Variants in DDX60 observed in about 807,000 individuals in gnomAD.
The protein encoded by DDX60 is DExD/H-box helicase 60, also known as probable ATP-dependent RNA helicase DDX60.
In DDX60, 165 loss-of-function variants were observed where a neutral mutation model predicts 212.8. The ratio of observed to expected loss-of-function variants is 0.78; its 90% CI spans 0.68 to 0.88. The LOEUF is 0.88. DDX60 is among the 40% of genes least tolerant of loss of function. The pLI is 0.00. For missense variants in DDX60, 1,905 were observed against 2,003.9 expected (o/e 0.95, Z 0.94); for synonymous variants, 703 against 685.3 (o/e 1.03, Z -0.40).
chr4:168,305,946 T>C (rs538462472), intron 5 of DDX60, among the ~76,000 whole-genome samples: 1 of 152,330 alleles, frequency 6.6e-6, no homozygotes, highest in East Asian at 1.9e-4. Context: ...CCTAATTCCA[T>C]GCATTTCTGG....
rs150843208 is a variant in DDX60 at position 168,313,877 on chromosome 4, T to A, written c.-106-2512A>T. Among the ~76,000 whole-genome samples, 67 of 152,354 alleles carry A rather than the reference T, an allele frequency of 4.4e-4. No homozygotes were observed. The East Asian group carries it at 0.012, about 28-fold the overall frequency. On this transcript the variant is annotated intron_variant, in intron 1 of 37. Coordinates refer to ENST00000393743, the MANE Select transcript of DDX60 (RefSeq NM_017631.6). The stretch of plus-strand genomic sequence containing the variant: ...ACATAGATTAAAAGGAATAATATAG[T>A]TTTTATAATGAAATATAACTATGAC...
At chr4:168,221,437 A>G (rs1173465497) in intron 36 of DDX60, among the ~76,000 whole-genome samples, 1 of 152,208 alleles carries the variant, frequency 6.6e-6, no homozygotes, top group Non-Finnish European at 1.5e-5. Context: ...AGAGTAATAA[A>G]TACAAATATA....
At chr4:168,297,304 A>G (rs77894656) in intron 6 of DDX60, among the ~76,000 whole-genome samples, 2 of 12,834 alleles carry the variant, frequency 1.6e-4, no homozygotes, top group Non-Finnish European at 1.3e-4. Flanking sequence ...AGACGAAAGA[A>G]AGAAAGAAAG....
intron 35 of DDX60, among the ~76,000 whole-genome samples, chr4:168,223,605 T>C (rs67982202): frequency 0.12 from 18,592 of 152,038 alleles, 1,627 homozygotes; most frequent in African/African-American, 0.23. Context: ...AAAACTGTAT[T>C]TTTAGAAAGT....
Position 168,237,708 on chromosome 4 carries a change from G to T in DDX60, c.4252C>A (p.Gln1418Lys), listed in dbSNP as rs774931360. The T allele has an allele frequency of 6.8e-6, 11 of 1,610,908 alleles. No individual in the cohort carries two copies. In the Middle Eastern group the frequency reaches 6.6e-4, roughly 97 times the overall value. Residue 1418 changes from glutamine to lysine, a missense_variant, in exon 31 of 38, where the codon CAG (glutamine) becomes AAG (lysine). Gln to Lys is a moderately conservative substitution (Grantham distance 53). Transcript: ENST00000393743. The stretch of plus-strand genomic sequence containing the variant: ...ATGCATACCTCTTTCACCAGGAACT[G>T]CAAAGAAAACAGGAAGTAAAGTTTT... Reference protein sequence around the residue: ...MLKLYFLFSLQFLVKEGYLDQ... With the variant: ...MLKLYFLFSLKFLVKEGYLDQ...
intron 8 of DDX60, among the ~76,000 whole-genome samples, chr4:168,291,177 G>A (rs10002944): frequency 0.36 from 55,215 of 151,554 alleles, 10,434 homozygotes; most frequent in African/African-American, 0.47. Context: ...TATTGTGAAA[G>A]GAAATAGAAA....
intron 30 of DDX60, among the ~76,000 whole-genome samples, chr4:168,241,287 A>G (rs1733827949): frequency 6.6e-6 from 1 of 151,534 alleles, no homozygotes; most frequent in Non-Finnish European, 1.5e-5. Flanking sequence ...GTACCAGTAG[A>G]GTGGGGTGCT....
At chr4:168,280,882 G>C (rs534309196) in intron 13 of DDX60, among the ~76,000 whole-genome samples, 1 of 152,322 alleles carries the variant, frequency 6.6e-6, no homozygotes, top group Non-Finnish European at 1.5e-5. Context: ...AATGACACCT[G>C]TAATCCCAGC....
chr4:168,276,111 G>C lies in DDX60; in HGVS notation c.2049C>G (p.Tyr683Ter), dbSNP rs200360963. Residue 683 changes from tyrosine to a stop codon, truncating the protein, a stop_gained, in exon 15 of 38, where the codon TAC (tyrosine) becomes TAG (stop). Coordinates refer to ENST00000393743, the MANE Select transcript of DDX60 (RefSeq NM_017631.6). LOFTEE classifies it high-confidence loss of function. ...MKRIHSLMEK[Y>*]SELLQEDDRQ... Reference sequence around the variant, plus strand: ...GATCATCTTCTTGTAAAAGTTCTGAGTATTTTTCCATCAAGGAGTGGATCC... The same window carrying C: ...GATCATCTTCTTGTAAAAGTTCTGACTATTTTTCCATCAAGGAGTGGATCC... 6.2e-7 allele frequency: 1 copy of C among 1,613,434 alleles called. No homozygotes were observed. The highest frequency in any genetic ancestry group is 8.5e-7 in the Non-Finnish European group (1 of 1,179,702).
intron 5 of DDX60, 142 bp downstream of exon 5, chr4:168,306,237 T>A: frequency 1.8e-6 from 1 of 554,688 alleles, no homozygotes. Flanking sequence ...GCATTATCAT[T>A]ATTTACTTAA....
chr4:168,276,237 T>C, intron 14 of DDX60, 56 bp from the exon 15 acceptor site: 1 of 1,422,308 alleles, frequency 7.0e-7, no homozygotes, highest in South Asian at 1.3e-5. Flanking sequence ...ATAATTCATT[T>C]GATTACCCAA....
chr4:168,287,080 C>A lies in DDX60; in HGVS notation c.1307G>T (p.Cys436Phe). Residue 436 changes from cysteine to phenylalanine, a missense_variant, in exon 10 of 38, where the codon TGT (cysteine) becomes TTT (phenylalanine). Transcript: ENST00000393743. ...QPFPLRTTKV[C>F]FLEKKPSPIK... The stretch of plus-strand genomic sequence containing the variant: ...TGGTGATGGTTTCTTTTCAAGAAAA[C>A]AAACTTTTGTTGTTCTCAGAGGAAA... The A allele has an allele frequency of 2.5e-6, 4 of 1,606,838 alleles. No individual in the cohort carries two copies. The highest frequency in any genetic ancestry group is 2.5e-6 in the Non-Finnish European group (3 of 1,178,226).
intron 28 of DDX60, among the ~76,000 whole-genome samples, chr4:168,249,989 AG>A (rs1221600976): frequency 6.6e-6 from 1 of 152,196 alleles, no homozygotes; most frequent in Non-Finnish European, 1.5e-5. Context: ...AATTTTTAAA[AG>A]TCAGTCTATT....
At chr4:168,240,569 C>T (rs1027372630) in intron 30 of DDX60, among the ~76,000 whole-genome samples, 1 of 152,040 alleles carries the variant, frequency 6.6e-6, no homozygotes, top group Non-Finnish European at 1.5e-5. Context: ...CCAACTTCTA[C>T]CTTTAACACA....
intron 33 of DDX60, 125 bp from the exon 34 acceptor site, chr4:168,225,801 A>G (rs1733233825): frequency 7.0e-6 from 6 of 853,088 alleles, no homozygotes; most frequent in Non-Finnish European, 1.0e-5. Flanking sequence ...TATTTATTCA[A>G]TAATGTCACT....
chr4:168,299,568 A>T (rs1311023440), intron 6 of DDX60, among the ~76,000 whole-genome samples: 1 of 150,132 alleles, frequency 6.7e-6, no homozygotes, highest in Non-Finnish European at 1.5e-5. Flanking sequence ...ACCTGATCAT[A>T]AAAAAAAACC....
chr4:168,286,750 T>C (rs1735879431), intron 10 of DDX60, among the ~76,000 whole-genome samples: 1 of 152,084 alleles, frequency 6.6e-6, no homozygotes, highest in South Asian at 2.1e-4. Context: ...CTCAAGTGCT[T>C]TACACAAAGA....
intron 13 of DDX60, 58 bp downstream of exon 13, chr4:168,283,388 T>C (rs1171444246): frequency 1.3e-6 from 2 of 1,497,914 alleles, no homozygotes; most frequent in Admixed American, 1.8e-5. Context: ...ATAACACATA[T>C]CAACCTGATA....
At chr4:168,297,085 A>G (rs1410181131) in intron 6 of DDX60, among the ~76,000 whole-genome samples, 6 of 151,708 alleles carry the variant, frequency 4.0e-5, no homozygotes, top group African/African-American at 1.5e-4. Context: ...TAATTCTTGT[A>G]TTTTTAGTAG....
Sources: gnomAD v4.1 joint callset for allele counts (sites outside exome capture counted in the v4.1 genomes callset) on GRCh38, gnomAD v4.1.1 for gene constraint, MANE v1.5 for transcripts, NCBI Gene and HGNC (gene_info 2026-07-23, HGNC 2026-07-21) for gene names.